The following LSM14B variants were observed in gnomAD, a reference collection of about 807,000 sequenced individuals.
LSM14B encodes LSM family member 14B, also known as protein LSM14 homolog B.
Under a neutral mutation model 42.1 loss-of-function variants are expected in LSM14B, and 8 were observed. The ratio of observed to expected loss-of-function variants is 0.19; its 90% CI spans 0.11 to 0.34. LSM14B has a LOEUF of 0.34. Ranked by LOEUF, LSM14B falls within the 10% of genes least tolerant of loss-of-function variation. The probability of loss-of-function intolerance (pLI) is 1.00; values close to 1 mark genes in which losing one functional copy is unlikely to be tolerated. For missense variants in LSM14B, 396 were observed against 513.1 expected (o/e 0.77, Z 2.21); for synonymous variants, 219 against 209.7 (o/e 1.04, Z -0.38).
chr20:62,122,624 G>T lies in LSM14B; in HGVS notation c.-43G>T. 1 of 1,224,364 alleles carries T rather than the reference G, an allele frequency of 8.2e-7. No homozygotes were observed. The highest frequency in any genetic ancestry group is 1.0e-6 in the Non-Finnish European group (1 of 957,910). The allele number at this position is 1,224,364 out of a possible 1,614,324, so 75.8% of individuals were successfully genotyped here. A position where few individuals can be genotyped will look rare whatever the true frequency, so the allele number is the denominator to read the frequency against. ...CGGCGGCGGAGCGGGCCGCGGCCCGGCGCTCCTTCCCCACCGCGGCCCGAC... is the reference window on the plus strand; with the variant it reads ...CGGCGGCGGAGCGGGCCGCGGCCCGTCGCTCCTTCCCCACCGCGGCCCGAC... On this transcript the variant is annotated 5_prime_UTR_variant, in exon 1 of 9. Transcript: ENST00000279068. This position sits in a 1 kb window ranked among gnomAD's most constrained non-coding sequence, Gnocchi z 4.6.
chr20:62,128,052 C>A, intron 3 of LSM14B: 1 of 559,428 alleles, frequency 1.8e-6, no homozygotes, highest in Non-Finnish European at 3.2e-6. Context: ...GGGGGGACTC[C>A]CCAAAGCACC....
rs1227896430 is a variant in LSM14B at position 62,135,316 on chromosome 20, G to A, written c.*1168G>A. On this transcript the variant is annotated 3_prime_UTR_variant, in exon 9 of 9. Transcript: ENST00000279068. The stretch of plus-strand genomic sequence containing the variant: ...GCTAAGAATTAGAACATAGCAAGGG[G>A]GCTCCTCTGTTGGAGTAATGTAAAT... 1.3e-5 allele frequency: 2 copies of A among 152,158 alleles called. No individual in the cohort carries two copies. Among genetic ancestry groups the A allele is most frequent in the Admixed American group, 1.3e-4 (2 of 15,278 alleles). 9.4% of individuals were successfully genotyped at this position (152,158 alleles called of 1,614,324 possible).
chr20:62,132,799 C>A (rs2056803499), intron 7 of LSM14B, among the ~76,000 whole-genome samples: 1 of 152,088 alleles, frequency 6.6e-6, no homozygotes. Flanking sequence ...AGATAGTCTC[C>A]CACCAGCAGC....
chr20:62,128,929 C>T, intron 3 of LSM14B: 1 of 1,302,528 alleles, frequency 7.7e-7, no homozygotes, highest in Non-Finnish European at 1.0e-6. Flanking sequence ...GGTTAGGGTG[C>T]CTTTTCTGTT....
At position 62,130,715 on chromosome 20, in the gene LSM14B, A is replaced by G. The variant is rs1336839213; in HGVS notation, c.835+24A>G. On this transcript the variant is annotated intron_variant, in intron 6 of 8. Coordinates refer to ENST00000279068, the MANE Select transcript of LSM14B (RefSeq NM_144703.3). The surrounding 1 kb of genome is among the most constrained non-coding windows in gnomAD (Gnocchi z 4.1). ...AGGTTTGGCTCATTATATGAAAATT[A>G]TTCTCTGCACAGGAGTACCCCTAGA... 1 of 1,609,396 alleles carries G rather than the reference A, an allele frequency of 6.2e-7. No individual in the cohort carries two copies. Among genetic ancestry groups the G allele is most frequent in the East Asian group, 2.2e-5 (1 of 44,880 alleles).
In LSM14B at chr20:62,134,239, T is replaced by G. The variant is rs1600956635; in HGVS notation, c.*91T>G. 1 of 471,668 alleles carries G rather than the reference T, an allele frequency of 2.1e-6. No individual in the cohort carries two copies. The highest frequency in any genetic ancestry group is 1.5e-5 in the South Asian group (1 of 64,538). 29.2% of individuals were successfully genotyped at this position (471,668 alleles called of 1,614,324 possible). On this transcript the variant is annotated 3_prime_UTR_variant, in exon 9 of 9. Transcript: ENST00000279068. ...AAAACGCTGCACTTACAGGGAGAGGTGGTCACTTTGTTTACGGAGTTTGGA... is the reference window on the plus strand; with the variant it reads ...AAAACGCTGCACTTACAGGGAGAGGGGGTCACTTTGTTTACGGAGTTTGGA...
At chr20:62,128,830 T>C in intron 3 of LSM14B, 1 of 755,892 alleles carries the variant, frequency 1.3e-6, no homozygotes, top group South Asian at 1.7e-5. Flanking sequence ...AGTCAATTTT[T>C]TTTTTCATTT....
chr20:62,127,870 G>A (rs766661178), intron 3 of LSM14B: 2 of 716,918 alleles, frequency 2.8e-6, no homozygotes. Context: ...TGAACTCTCA[G>A]TGTTAAAGAA....
intron 3 of LSM14B, chr20:62,127,683 C>A: frequency 6.4e-7 from 1 of 1,550,594 alleles, no homozygotes; most frequent in African/African-American, 1.4e-5. Context: ...CTCAGAGCCA[C>A]AGCAGCTCAC....
At chr20:62,125,432 G>T (rs2056564742) in intron 2 of LSM14B, among the ~76,000 whole-genome samples, 1 of 152,226 alleles carries the variant, frequency 6.6e-6, no homozygotes, top group Non-Finnish European at 1.5e-5. Flanking sequence ...AGAAGTCTGA[G>T]CCCTGAGCAG....
chr20:62,130,270 A>G lies in LSM14B; in HGVS notation c.647A>G (p.Asn216Ser). The change falls in exon 5 of 9, where the codon AAC becomes AGC. Residue 216 changes from asparagine (N) to serine (S), a missense_variant. Coordinates refer to ENST00000279068, the MANE Select transcript of LSM14B (RefSeq NM_144703.3). This position sits in a 1 kb window ranked among gnomAD's most constrained non-coding sequence, Gnocchi z 4.1. ...VQAQGQVNDE[N>S]RRPQRRRSGN... ...GCTCAAGGGCAGGTGAATGACGAGA[A>G]CAGAAGACCTCAGAGGAGGCGATCA... The G allele has an allele frequency of 6.2e-7, 1 of 1,603,388 alleles. No homozygotes were observed.
chr20:62,132,787 G>C (rs1176703139), intron 7 of LSM14B, among the ~76,000 whole-genome samples: 2 of 152,134 alleles, frequency 1.3e-5, no homozygotes, highest in Non-Finnish European at 2.9e-5. Context: ...GTTGGATGTG[G>C]GAGATAGTCT....
At chr20:62,123,282 A>T (rs922880838) in intron 1 of LSM14B, 4 of 152,496 alleles carry the variant, frequency 2.6e-5, no homozygotes, top group Non-Finnish European at 5.9e-5. Context: ...GGGTCACAAC[A>T]CGCGAATCCT....
chr20:62,126,888 T>G (rs2056623524), intron 3 of LSM14B, among the ~76,000 whole-genome samples: 1 of 152,090 alleles, frequency 6.6e-6, no homozygotes, highest in Non-Finnish European at 1.5e-5. Flanking sequence ...TCCCAGCTAC[T>G]TGGGGGGTTG....
At position 62,133,176 on chromosome 20, in the gene LSM14B, T is replaced by C. The variant is rs1361084426; in HGVS notation, c.987-114T>C. The C allele has an allele frequency of 6.8e-6, 9 of 1,316,880 alleles. No individual in the cohort carries two copies. The East Asian group carries it at 2.0e-4, about 29-fold the overall frequency. The allele number at this position is 1,316,880 out of a possible 1,614,324, so 81.6% of individuals were successfully genotyped here. On this transcript the variant is annotated intron_variant, in intron 7 of 8. Coordinates refer to ENST00000279068, the MANE Select transcript of LSM14B (RefSeq NM_144703.3). ...AGAGCTGACGGGGCCGCCCCTTCCC[T>C]GTAGTGGCCCTGGTGAGTCTGTCCC...
In LSM14B at chr20:62,134,622, G is replaced by A. The variant is rs2056856366; in HGVS notation, c.*474G>A. ...CCCACTGCCAAGGGTGGGGTCTCAG[G>A]AGTCAGGCAGGGCCAGCACAGGGTG... On this transcript the variant is annotated 3_prime_UTR_variant, in exon 9 of 9. Transcript: ENST00000279068. 1 of 186,880 alleles carries A rather than the reference G, an allele frequency of 5.4e-6. No individual in the cohort carries two copies. The highest frequency in any genetic ancestry group is 6.9e-5 in the Admixed American group (1 of 14,456). The allele number at this position is 186,880 out of a possible 1,614,324, so 11.6% of individuals were successfully genotyped here.
In LSM14B at chr20:62,135,169, CA is replaced by C. The variant is rs1281068938; in HGVS notation, c.*1022del. ...GTATACGCATGCGTCCTCTGAGTGA[CA>C]GGGCATTTTGTCGAAAATAAGCACC... On this transcript the variant is annotated 3_prime_UTR_variant, in exon 9 of 9. Coordinates refer to ENST00000279068, the MANE Select transcript of LSM14B (RefSeq NM_144703.3). 1 of 152,178 alleles carries C rather than the reference CA, an allele frequency of 6.6e-6. No individual in the cohort carries two copies. The highest frequency in any genetic ancestry group is 1.5e-5 in the Non-Finnish European group (1 of 68,038). The allele number at this position is 152,178 out of a possible 1,614,324, so 9.4% of individuals were successfully genotyped here. A position where few individuals can be genotyped will look rare whatever the true frequency, so the allele number is the denominator to read the frequency against.
chr20:62,133,972 C>G (rs1420447968), intron 8 of LSM14B, among the ~76,000 whole-genome samples, 191 bp from the exon 9 acceptor site: 1 of 152,246 alleles, frequency 6.6e-6, no homozygotes, highest in African/African-American at 2.4e-5. Context: ...GACTAGCCCT[C>G]CTGCCACTAG....
intron 3 of LSM14B, among the ~76,000 whole-genome samples, chr20:62,127,248 C>A (rs1260098406): frequency 6.6e-6 from 1 of 152,196 alleles, no homozygotes; most frequent in Non-Finnish European, 1.5e-5. Context: ...CCTGCCTTGT[C>A]CTTAACCTGG....
Sources: allele counts gnomAD v4.1 joint callset (sites outside exome capture counted in the v4.1 genomes callset), GRCh38; gene constraint gnomAD v4.1.1; non-coding constraint Gnocchi (gnomAD v3.1); transcripts MANE v1.5; gene names NCBI Gene and HGNC (gene_info 2026-07-23, HGNC 2026-07-21).